PDE1C: variants seen among roughly 807,000 people sequenced by gnomAD.
PDE1C encodes dual specificity calcium/calmodulin-dependent 3',5'-cyclic nucleotide phosphodiesterase 1C.
A neutral mutation model predicts 93.1 loss-of-function variants in PDE1C; 62 were observed. The observed-to-expected ratio is 0.67, with a 90% CI of 0.54 to 0.82. The LOEUF is 0.82. Among genes scored for constraint, PDE1C ranks in the 40% least tolerant of loss-of-function variants. The probability of loss-of-function intolerance (pLI) is 0.00; values close to 1 mark genes in which losing one functional copy is unlikely to be tolerated. For missense variants in PDE1C, 742 were observed against 884.6 expected (o/e 0.84, Z 2.04); for synonymous variants, 325 against 310.1 (o/e 1.05, Z -0.50).
chr7:31,725,622 TA>T, the PDE1C span, among the ~76,000 whole-genome samples: 1 of 152,122 alleles, frequency 6.6e-6, no homozygotes, highest in African/African-American at 2.4e-5. Context: ...AATGTTGAAG[TA>T]AAAAGGGATT....
At chr7:31,955,290 T>C (rs1054698801) in intron 2 of PDE1C, among the ~76,000 whole-genome samples, 3 of 152,210 alleles carry the variant, frequency 2.0e-5, no homozygotes, top group Non-Finnish European at 4.4e-5. Flanking sequence ...TGATATCTAC[T>C]ATGCCCATTT....
the PDE1C span, among the ~76,000 whole-genome samples, chr7:31,693,389 T>C: frequency 6.6e-6 from 1 of 152,184 alleles, no homozygotes; most frequent in Non-Finnish European, 1.5e-5. Context: ...GGGGAAAGAT[T>C]AACTGTGCTA....
intron 1 of PDE1C, among the ~76,000 whole-genome samples, chr7:32,413,172 C>T (rs1392501546): frequency 6.6e-6 from 1 of 151,856 alleles, no homozygotes; most frequent in Non-Finnish European, 1.5e-5. Context: ...TGTGGGCTTA[C>T]GTAGGGGGGA....
At chr7:32,100,295 A>G (rs1228097113) in intron 3 of PDE1C, among the ~76,000 whole-genome samples, 2 of 152,214 alleles carry the variant, frequency 1.3e-5, no homozygotes, top group African/African-American at 4.8e-5. Context: ...AGTGGAATAA[A>G]TTCTGCTATG....
chr7:32,065,104 T>C (rs1795250703), intron 1 of PDE1C, among the ~76,000 whole-genome samples: 1 of 151,394 alleles, frequency 6.6e-6, no homozygotes, highest in African/African-American at 2.4e-5. Flanking sequence ...GTGAGATTTA[T>C]CTCCAATAGC....
At chr7:31,839,159 T>TGTATGTATACACACATACATATAC (rs1318663407) in intron 9 of PDE1C, among the ~76,000 whole-genome samples, 1 of 149,080 alleles carries the variant, frequency 6.7e-6, no homozygotes, top group Admixed American at 6.7e-5. Context: ...TATGTATATA[T>TGTATGTATACACACATACATATAC]GTATGTATAC....
the PDE1C span, among the ~76,000 whole-genome samples, chr7:31,646,151 C>T: frequency 1.8e-4 from 27 of 152,228 alleles, no homozygotes; most frequent in African/African-American, 6.3e-4. Context: ...ATTTAGTTGT[C>T]TATTTTGTTA....
At chr7:31,788,755 TAA>T (rs1784268364) in intron 16 of PDE1C, 1 of 152,200 alleles carries the variant, frequency 6.6e-6, no homozygotes, top group Non-Finnish European at 1.5e-5. Context: ...CAGAAAAATC[TAA>T]GTGTTTCTCC....
chr7:32,306,081 T>G (rs1204282159), intron 1 of PDE1C, among the ~76,000 whole-genome samples: 1 of 152,166 alleles, frequency 6.6e-6, no homozygotes, highest in Non-Finnish European at 1.5e-5. Context: ...GGAAACCCCT[T>G]TCACTTGATC....
chr7:32,270,658 C>T (rs557838712), intron 1 of PDE1C, among the ~76,000 whole-genome samples: 4 of 152,238 alleles, frequency 2.6e-5, no homozygotes, highest in Admixed American at 6.5e-5. Context: ...CCCAAGCCTA[C>T]GGACAGGGGC....
rs796122014 is a variant in PDE1C at position 32,341,173 on chromosome 7, C to CTATTTTTTTTTTTTTTTT, written c.310+86648_310+86649insAAAAAAAAAAAAAAAATA. The stretch of plus-strand genomic sequence containing the variant: ...CCTAAAACTACTCTAGAAATAAAGT[C>CTATTTTTTTTTTTTTTTT]TTTTTTTTTTTTTTTTTTTTGAGAC... On this transcript the variant is annotated intron_variant, in intron 1 of 1. Transcript: ENST00000672256. Among the ~76,000 whole-genome samples, 42 of 84,952 alleles carry CTATTTTTTTTTTTTTTTT rather than the reference C, an allele frequency of 4.9e-4. 1 individual carries two copies. The highest frequency in any genetic ancestry group is 1.0e-3 in the African/African-American group (23 of 23,020). The allele number at this position is 84,952 out of a possible 152,430, so 55.7% of individuals were successfully genotyped here.
chr7:31,998,221 A>T (rs539522873), intron 2 of PDE1C, among the ~76,000 whole-genome samples: 1 of 151,930 alleles, frequency 6.6e-6, no homozygotes. Flanking sequence ...GGGTTTCACC[A>T]TGTTAGCCAG....
intron 3 of PDE1C, among the ~76,000 whole-genome samples, chr7:32,157,523 T>C (rs1035385739): frequency 1.7e-5 from 2 of 116,518 alleles, no homozygotes; most frequent in Non-Finnish European, 3.5e-5. Context: ...CTAAAGGTGA[T>C]GTGTGCTTCC....
At chr7:32,414,347 G>C (rs76475154) in intron 1 of PDE1C, among the ~76,000 whole-genome samples, 6,945 of 151,136 alleles carry the variant, frequency 0.046, 558 homozygotes, top group African/African-American at 0.16. Context: ...CAAAATAAAA[G>C]TAAAAAACAT....
chr7:31,719,921 G>GAACACATAAAAGCAGAGGAGCAAAATT, the PDE1C span, among the ~76,000 whole-genome samples: 1 of 151,076 alleles, frequency 6.6e-6, no homozygotes, highest in African/African-American at 2.5e-5. Flanking sequence ...GTCTAATGTG[G>GAACACATAAAAGCAGAGGAGCAAAATT]GGAGGCCGAG....
At chr7:32,097,515 G>A (rs183306434) in intron 3 of PDE1C, among the ~76,000 whole-genome samples, 1 of 152,222 alleles carries the variant, frequency 6.6e-6, no homozygotes, top group Non-Finnish European at 1.5e-5. Flanking sequence ...CCCACTGACT[G>A]GCCCTCAAAG....
At chr7:32,298,517 T>A in intron 1 of PDE1C, 6 of 1,103,480 alleles carry the variant, frequency 5.4e-6, no homozygotes, top group Non-Finnish European at 7.7e-6. Context: ...TCCCGGGGGC[T>A]CCCGCCCGGA....
chr7:32,116,899 G>A (rs776186629), intron 3 of PDE1C, among the ~76,000 whole-genome samples: 1 of 152,130 alleles, frequency 6.6e-6, no homozygotes, highest in Non-Finnish European at 1.5e-5. Flanking sequence ...TTCATCTACA[G>A]CACCCTATAG....
chr7:31,665,607 G>A, the PDE1C span, among the ~76,000 whole-genome samples: 1 of 152,148 alleles, frequency 6.6e-6, no homozygotes, highest in Non-Finnish European at 1.5e-5. Flanking sequence ...TTAGTTTGGG[G>A]AGGAAAACTA....
Sources: allele counts gnomAD v4.1 joint callset (sites outside exome capture counted in the v4.1 genomes callset), GRCh38; gene constraint gnomAD v4.1.1; transcripts MANE v1.5; gene names NCBI Gene and HGNC (gene_info 2026-07-23, HGNC 2026-07-21).